SGCZ: variants seen among roughly 807,000 people sequenced by gnomAD.
SGCZ encodes the protein sarcoglycan zeta.
SGCZ carries 40 observed loss-of-function variants against 41.3 expected under a neutral mutation model. That is an observed-to-expected ratio of 0.97 (90% CI 0.75 to 1.26). The LOEUF (loss-of-function observed/expected upper bound fraction) is 1.26. SGCZ is among the 50% of genes most tolerant of loss of function. The pLI is 0.00. For synonymous variants in SGCZ, 206 were observed against 137.5 expected (o/e 1.50, Z -3.49); for missense variants, 552 against 369.8 (o/e 1.49, Z -4.04).
chr8:14,877,599 A>T (rs970738534), intron 1 of SGCZ, among the ~76,000 whole-genome samples: 1 of 152,152 alleles, frequency 6.6e-6, no homozygotes, highest in Non-Finnish European at 1.5e-5. Flanking sequence ...TAGTGTAAAG[A>T]TATTAAAGGC....
At chr8:14,482,521 T>C (rs187592952) in intron 2 of SGCZ, among the ~76,000 whole-genome samples, 1 of 152,274 alleles carries the variant, frequency 6.6e-6, no homozygotes, top group Admixed American at 6.5e-5. Flanking sequence ...ATAACAACTT[T>C]GGAAGAGTCT....
intron 2 of SGCZ, among the ~76,000 whole-genome samples, chr8:14,394,768 T>C (rs1273059019): frequency 1.3e-5 from 2 of 152,150 alleles, no homozygotes; most frequent in Admixed American, 6.5e-5. Context: ...GAAGTACTAA[T>C]TGACAAAAAA....
chr8:15,225,440 GACTAAGTAGA>G (rs1357265602), intron 1 of SGCZ, among the ~76,000 whole-genome samples: 2 of 152,216 alleles, frequency 1.3e-5, no homozygotes, highest in African/African-American at 4.8e-5. Flanking sequence ...GAACTGGCAT[GACTAAGTAGA>G]ACTTAGTCGT....
rs1800752922 is a variant in SGCZ, at chr8:14,785,937, T to C, written c.40-231011A>G. On this transcript the variant is annotated intron_variant, in intron 1 of 7. Coordinates refer to ENST00000382080, the MANE Select transcript of SGCZ (RefSeq NM_139167.4). Reference sequence around the variant, plus strand: ...TTTTTTTTCTACTCCCAGAATCCAGTTCTCATTTAAAAAACTTATCTCCAA... The same window carrying C: ...TTTTTTTTCTACTCCCAGAATCCAGCTCTCATTTAAAAAACTTATCTCCAA... 3.9e-5 allele frequency among the ~76,000 whole-genome samples: 6 copies of C among 151,990 alleles called. 1 individual carries two copies. Among genetic ancestry groups the C allele is most frequent in the Admixed American group, 2.0e-4 (3 of 15,254 alleles).
chr8:14,894,552 A>T (rs1311171553), intron 1 of SGCZ, among the ~76,000 whole-genome samples: 1 of 152,184 alleles, frequency 6.6e-6, no homozygotes, highest in Non-Finnish European at 1.5e-5. Flanking sequence ...ACAGGAGCTT[A>T]TCTTTGCTTC....
At chr8:14,605,662 T>C (rs1011760748) in intron 1 of SGCZ, among the ~76,000 whole-genome samples, 1 of 152,196 alleles carries the variant, frequency 6.6e-6, no homozygotes, top group Non-Finnish European at 1.5e-5. Flanking sequence ...AGAATTTCAC[T>C]CATCATGTTT....
intron 5 of SGCZ, among the ~76,000 whole-genome samples, chr8:14,132,498 T>A (rs1803072029): frequency 6.6e-6 from 1 of 152,210 alleles, no homozygotes; most frequent in Non-Finnish European, 1.5e-5. Context: ...TACAGAAATC[T>A]TCTAAACAAT....
chr8:14,188,885 G>A (rs1026647163), intron 4 of SGCZ, among the ~76,000 whole-genome samples: 1 of 142,942 alleles, frequency 7.0e-6, no homozygotes, highest in Non-Finnish European at 1.5e-5. Flanking sequence ...AGGCTGGAGT[G>A]CAATGGCACA....
At chr8:14,130,556 T>G (rs1425116001) in intron 5 of SGCZ, among the ~76,000 whole-genome samples, 21 of 152,120 alleles carry the variant, frequency 1.4e-4, no homozygotes, top group Non-Finnish European at 8.8e-5. Context: ...AAGGCTAAAG[T>G]ACAGCAAGTG....
At chr8:14,654,779 T>C (rs930411083) in intron 1 of SGCZ, among the ~76,000 whole-genome samples, 1 of 151,964 alleles carries the variant, frequency 6.6e-6, no homozygotes, top group African/African-American at 2.4e-5. Context: ...TTAGGTGTTT[T>C]ATTTCCACAC....
chr8:14,438,489 T>C (rs1800154683), intron 2 of SGCZ, among the ~76,000 whole-genome samples: 1 of 151,996 alleles, frequency 6.6e-6, no homozygotes, highest in South Asian at 2.1e-4. Flanking sequence ...TCAATAACTG[T>C]GGCTCTCTCT....
intron 1 of SGCZ, among the ~76,000 whole-genome samples, chr8:15,036,465 T>C (rs1200218469): frequency 5.3e-5 from 8 of 152,052 alleles, no homozygotes. Context: ...TTAGGCTTAA[T>C]ACCTGGGTGA....
At chr8:14,794,376 T>A (rs1289178839) in intron 1 of SGCZ, among the ~76,000 whole-genome samples, 1 of 152,078 alleles carries the variant, frequency 6.6e-6, no homozygotes, top group Admixed American at 6.6e-5. Flanking sequence ...CAGGATTATA[T>A]AAAAGAAAAG....
intron 5 of SGCZ, among the ~76,000 whole-genome samples, chr8:14,122,488 T>G (rs1181165152): frequency 6.6e-6 from 1 of 152,212 alleles, no homozygotes; most frequent in Non-Finnish European, 1.5e-5. Context: ...ACAGTCCATG[T>G]AGGTTCATTG....
intron 1 of SGCZ, among the ~76,000 whole-genome samples, chr8:14,973,858 C>G (rs1373893022): frequency 6.6e-6 from 1 of 152,004 alleles, no homozygotes; most frequent in Non-Finnish European, 1.5e-5. Context: ...TTAGTTGAAC[C>G]CAGTGCATAT....
chr8:14,267,342 G>A (rs1338879444), intron 3 of SGCZ, among the ~76,000 whole-genome samples: 1 of 151,982 alleles, frequency 6.6e-6, no homozygotes, highest in Admixed American at 6.6e-5. Context: ...AAAAAAGCAT[G>A]GAAACATAAG....
intron 1 of SGCZ, among the ~76,000 whole-genome samples, chr8:14,784,913 A>AATATAT (rs1554499020): frequency 1.0e-4 from 9 of 88,018 alleles, no homozygotes; most frequent in East Asian, 8.4e-4. Context: ...AAAAAAAAAA[A>AATATAT]ATATATATAT....
intron 2 of SGCZ, among the ~76,000 whole-genome samples, chr8:14,325,774 AT>A (rs1351687947): frequency 5.4e-5 from 5 of 93,100 alleles, no homozygotes; most frequent in African/African-American, 2.0e-4. Flanking sequence ...ATATATATAT[AT>A]ATATATATAT....
At chr8:14,432,060 G>C (rs1447856850) in intron 2 of SGCZ, among the ~76,000 whole-genome samples, 1 of 152,088 alleles carries the variant, frequency 6.6e-6, no homozygotes, top group Non-Finnish European at 1.5e-5. Flanking sequence ...GGTGAACAGG[G>C]AACACTTCTA....
Sources: gnomAD v4.1 joint callset for allele counts (sites outside exome capture counted in the v4.1 genomes callset) on GRCh38, gnomAD v4.1.1 for gene constraint, MANE v1.5 for transcripts, NCBI Gene and HGNC (gene_info 2026-07-23, HGNC 2026-07-21) for gene names.